PCDHGA3: variants seen among roughly 807,000 people sequenced by gnomAD.
The protein encoded by PCDHGA3 is protocadherin gamma subfamily A, 3.
PCDHGA3 carries 40 observed loss-of-function variants against 58.5 expected under a neutral mutation model. The ratio of observed to expected loss-of-function variants is 0.68; its 90% CI spans 0.53 to 0.89. PCDHGA3 has a LOEUF of 0.89. Ranked by LOEUF, PCDHGA3 falls within the 40% of genes least tolerant of loss-of-function variation. PCDHGA3 has a pLI of 0.00. For synonymous variants in PCDHGA3, 530 were observed against 525.7 expected (o/e 1.01, Z -0.11); for missense variants, 1,223 against 1,195.9 (o/e 1.02, Z -0.33).
chr5:141,481,835 C>T (rs892868552), intron 1 of PCDHGA3, among the ~76,000 whole-genome samples: 5 of 149,932 alleles, frequency 3.3e-5, no homozygotes, highest in Non-Finnish European at 7.4e-5. Flanking sequence ...GCAGGAGAAT[C>T]GCTTGATGGT....
chr5:141,396,662 G>C (rs1589287769), intron 1 of PCDHGA3: 1 of 151,614 alleles, frequency 6.6e-6, no homozygotes, highest in Admixed American at 6.6e-5. Context: ...ACTCGGTATA[G>C]GCTATCCATT....
intron 1 of PCDHGA3, among the ~76,000 whole-genome samples, chr5:141,438,745 T>C (rs1004731034): frequency 4.7e-5 from 7 of 147,392 alleles, no homozygotes; most frequent in Non-Finnish European, 1.0e-4. Flanking sequence ...CACTGCAACC[T>C]CTGCCTCCTG....
At chr5:141,360,905 C>T (rs368319132) in intron 1 of PCDHGA3, 199 of 1,613,890 alleles carry the variant, frequency 1.2e-4, no homozygotes, top group Middle Eastern at 3.3e-4. Context: ...GACGTGCCGC[C>T]GGGCTTCTTT....
At chr5:141,492,606 C>G (rs1019615566) in intron 1 of PCDHGA3, among the ~76,000 whole-genome samples, 3 of 152,232 alleles carry the variant, frequency 2.0e-5, no homozygotes, top group African/African-American at 7.2e-5. Flanking sequence ...GACTGCCGCT[C>G]TAAGTGCCGG....
At chr5:141,372,966 C>T (rs1024382365) in intron 1 of PCDHGA3, 3 of 687,330 alleles carry the variant, frequency 4.4e-6, no homozygotes, top group Non-Finnish European at 7.0e-6. Context: ...TGTAGAATTT[C>T]CTGTAGAATA....
intron 1 of PCDHGA3, among the ~76,000 whole-genome samples, chr5:141,443,771 A>G (rs1031470429): frequency 9.2e-5 from 14 of 152,238 alleles, no homozygotes; most frequent in African/African-American, 3.1e-4. Context: ...ATACAATATT[A>G]CCAAAAAGAC....
At chr5:141,494,064 G>T (rs1233070772) in intron 1 of PCDHGA3, among the ~76,000 whole-genome samples, 2 of 152,160 alleles carry the variant, frequency 1.3e-5, no homozygotes, top group South Asian at 2.1e-4. Flanking sequence ...TGTGGGAGCT[G>T]GATCCCTCCC....
chr5:141,418,236 T>C, intron 1 of PCDHGA3: 8 of 1,614,030 alleles, frequency 5.0e-6, no homozygotes, highest in Non-Finnish European at 6.8e-6. Flanking sequence ...ATTGAGGATG[T>C]TAATGACCAC....
In PCDHGA3 at chr5:141,485,234, T is replaced by A. The variant is rs780126313; in HGVS notation, c.2425-9573T>A. 1 of 1,614,124 alleles carries A rather than the reference T, an allele frequency of 6.2e-7. No homozygotes were observed. The highest frequency in any genetic ancestry group is 1.1e-5 in the South Asian group (1 of 91,080). On this transcript the variant is annotated intron_variant, in intron 1 of 3. Transcript: ENST00000253812. This position sits in a 1 kb window ranked among gnomAD's most constrained non-coding sequence, Gnocchi z 5.7. ...GCGGTGGGCTACCCTTTTGTTCCTC[T>A]TTTACCACCTGGGTTACGTTTGTGG...
At chr5:141,406,267 G>A (rs2094786630) in intron 1 of PCDHGA3, among the ~76,000 whole-genome samples, 1 of 151,854 alleles carries the variant, frequency 6.6e-6, no homozygotes, top group African/African-American at 2.4e-5. Context: ...CGATCTTCCT[G>A]CTTCAGTTTC....
At position 141,491,832 on chromosome 5, in the gene PCDHGA3, C is replaced by T. The variant is rs755882255; in HGVS notation, c.2425-2975C>T. On this transcript the variant is annotated intron_variant, in intron 1 of 3. Coordinates refer to ENST00000253812, the MANE Select transcript of PCDHGA3 (RefSeq NM_018916.4). The surrounding 1 kb of genome is among the most constrained non-coding windows in gnomAD (Gnocchi z 6.9). ...GTCGCTGGCTGCGCTCCACCCGATT[C>T]TCGGGATCATTGGACCGTTTGCGCG... 1.6e-5 allele frequency: 24 copies of T among 1,474,306 alleles called. No individual in the cohort carries two copies. The highest frequency in any genetic ancestry group is 2.0e-5 in the Non-Finnish European group (22 of 1,112,688). 91.3% of individuals were successfully genotyped at this position (1,474,306 alleles called of 1,614,324 possible). A position where few individuals can be genotyped will look rare whatever the true frequency, so the allele number is the denominator to read the frequency against.
Position 141,485,395 on chromosome 5 carries a change from C to T in PCDHGA3, c.2425-9412C>T. On this transcript the variant is annotated intron_variant, in intron 1 of 3. Coordinates refer to ENST00000253812, the MANE Select transcript of PCDHGA3 (RefSeq NM_018916.4). The surrounding 1 kb of genome is among the most constrained non-coding windows in gnomAD (Gnocchi z 5.7). Reference sequence around the variant, plus strand: ...TCGCTGGAGAGGTGAACCAAAGACACTTCCGTGTGGATTTGGACAGCGGAG... The same window carrying T: ...TCGCTGGAGAGGTGAACCAAAGACATTTCCGTGTGGATTTGGACAGCGGAG... 5 of 1,614,154 alleles carry T rather than the reference C, an allele frequency of 3.1e-6. No homozygotes were observed. Among genetic ancestry groups the T allele is most frequent in the Non-Finnish European group, 3.4e-6 (4 of 1,180,026 alleles).
intron 2 of PCDHGA3, among the ~76,000 whole-genome samples, chr5:141,500,212 ATT>A (rs1336187706): frequency 5.4e-5 from 8 of 148,798 alleles, no homozygotes; most frequent in African/African-American, 2.0e-4. Context: ...TTATTTATTT[ATT>A]TATTTATTTA....
intron 1 of PCDHGA3, among the ~76,000 whole-genome samples, chr5:141,470,504 G>A (rs914828244): frequency 6.6e-6 from 1 of 152,114 alleles, no homozygotes; most frequent in Admixed American, 6.6e-5. Flanking sequence ...TAGGTAATTA[G>A]ACAGTTAGCT....
intron 1 of PCDHGA3, chr5:141,382,913 C>G: frequency 5.2e-6 from 8 of 1,553,234 alleles, no homozygotes; most frequent in Non-Finnish European, 7.0e-6. Context: ...GCGGCTCAGC[C>G]GAGGGGCGGG....
At chr5:141,359,901 C>T in intron 1 of PCDHGA3, 1 of 404,924 alleles carries the variant, frequency 2.5e-6, no homozygotes, top group Non-Finnish European at 4.3e-6. Flanking sequence ...TATTGACAAG[C>T]CATTAGTGCA....
chr5:141,487,029 T>C lies in PCDHGA3; in HGVS notation c.2425-7778T>C. 1.2e-6 allele frequency: 2 copies of C among 1,614,226 alleles called. No individual in the cohort carries two copies. Among genetic ancestry groups the C allele is most frequent in the Non-Finnish European group, 1.7e-6 (2 of 1,180,040 alleles). ...CTGGAGGCCCCAGATCCCAGCCTGT[T>C]TGCAGTCTCTCGATATGCTGGGGAG... is the stretch of plus-strand genomic sequence containing the variant. On this transcript the variant is annotated intron_variant, in intron 1 of 3. Coordinates refer to ENST00000253812, the MANE Select transcript of PCDHGA3 (RefSeq NM_018916.4). The surrounding 1 kb of genome is among the most constrained non-coding windows in gnomAD (Gnocchi z 5.0).
chr5:141,394,536 G>C (rs2093028301), intron 1 of PCDHGA3: 2 of 1,614,070 alleles, frequency 1.2e-6, no homozygotes. Flanking sequence ...TTCCACTGGC[G>C]TGGAGCTGGC....
At chr5:141,352,670 G>C in intron 1 of PCDHGA3, 1 of 1,579,078 alleles carries the variant, frequency 6.3e-7, no homozygotes, top group Non-Finnish European at 8.6e-7. Context: ...GTCTTCGCAC[G>C]TGAGTTTCTG....
Sources: allele counts gnomAD v4.1 joint callset (sites outside exome capture counted in the v4.1 genomes callset), GRCh38; gene constraint gnomAD v4.1.1; non-coding constraint Gnocchi (gnomAD v3.1); transcripts MANE v1.5; gene names NCBI Gene and HGNC (gene_info 2026-07-23, HGNC 2026-07-21).